The following RSF1 variants were observed in gnomAD, a reference collection of about 807,000 sequenced individuals.
RSF1 encodes the protein remodeling and spacing factor 1, also known as HBV pX-associated protein 8.
RSF1 carries 13 observed loss-of-function variants against 145.2 expected under a neutral mutation model. The ratio of observed to expected loss-of-function variants is 0.09; its 90% CI spans 0.06 to 0.14. The LOEUF is 0.14. Ranked by LOEUF, RSF1 falls within the 10% of genes least tolerant of loss-of-function variation. The probability of loss-of-function intolerance (pLI) is 1.00; values close to 1 mark genes in which losing one functional copy is unlikely to be tolerated. For synonymous variants in RSF1, 577 were observed against 592.6 expected, an observed-to-expected ratio of 0.97 and a Z score of 0.38; for missense variants, 1,517 against 1,718.2, an observed-to-expected ratio of 0.88 and a Z score of 2.07.
At chr11:77,780,824 C>A (rs369954343) in intron 1 of RSF1, among the ~76,000 whole-genome samples, 353 of 127,730 alleles carry the variant, frequency 2.8e-3, no homozygotes, top group Admixed American at 3.7e-3. Flanking sequence ...GACTCCGTCT[C>A]AAAAAAAAAA....
At chr11:77,711,152 A>G (rs1014622442) in intron 5 of RSF1, among the ~76,000 whole-genome samples, 8 of 151,828 alleles carry the variant, frequency 5.3e-5, no homozygotes, top group Non-Finnish European at 8.8e-5. Flanking sequence ...TTAAAAAAAA[A>G]AAAAAAAAGA....
At chr11:77,756,726 C>T (rs887168279) in intron 2 of RSF1, among the ~76,000 whole-genome samples, 6 of 152,094 alleles carry the variant, frequency 3.9e-5, no homozygotes, top group East Asian at 1.9e-4. Flanking sequence ...GAGGAAAGTA[C>T]GGCAAAGTGG....
At position 77,737,621 on chromosome 11, in the gene RSF1, GGT is replaced by G. The variant is rs1170824350; in HGVS notation, c.578+3108_578+3109del. On this transcript the variant is annotated intron_variant, in intron 4 of 15. Coordinates refer to ENST00000308488, the MANE Select transcript of RSF1 (RefSeq NM_016578.4). Reference sequence around the variant, plus strand: ...GAAAGAAGTTTTATGTGTTTTGGGGGGTGTGTGTGTGTGTGTGTGTGTGTGTG... The same window carrying G: ...GAAAGAAGTTTTATGTGTTTTGGGGGGTGTGTGTGTGTGTGTGTGTGTGTG... Among the ~76,000 whole-genome samples the G allele has an allele frequency of 4.6e-3, 429 of 93,516 alleles. 1 individual carries two copies. The highest frequency in any genetic ancestry group is 0.013 in the African/African-American group (343 of 26,070). 61.4% of individuals were successfully genotyped at this position (93,516 alleles called of 152,430 possible). A position where few individuals can be genotyped will look rare whatever the true frequency, so the allele number is the denominator to read the frequency against.
intron 2 of RSF1, among the ~76,000 whole-genome samples, chr11:77,760,577 TA>T (rs1948161083): frequency 1.3e-5 from 2 of 152,298 alleles, no homozygotes; most frequent in East Asian, 1.9e-4. Flanking sequence ...TATATCTCAA[TA>T]AAAAACACAA....
intron 1 of RSF1, among the ~76,000 whole-genome samples, chr11:77,803,811 G>A (rs1948650436): frequency 6.6e-6 from 1 of 152,016 alleles, no homozygotes; most frequent in African/African-American, 2.4e-5. Flanking sequence ...CAAGTGTGGT[G>A]GCTCACACCT....
In RSF1 at chr11:77,667,359, G is replaced by C. The variant is rs754582911; in HGVS notation, c.3884C>G (p.Pro1295Arg). 4.3e-6 allele frequency: 7 copies of C among 1,613,852 alleles called. No individual in the cohort carries two copies. The East Asian group carries it at 1.3e-4, about 31-fold the overall frequency. Residue 1295 changes from proline to arginine, a missense_variant, in exon 16 of 16, where the codon CCA becomes CGA. By Grantham distance (103) the Pro-to-Arg change is moderately radical. Around this residue, in one of 12 missense-constraint regions of RSF1, gnomAD observed 240 missense variants for 231.8 expected, o/e 1.04. Transcript: ENST00000308488. ...DEEEEEEEGK[P>R]SRKRLHRIET... ...AATCCGGTGTAGCCGTTTGCGGGATGGTTTGCCTTCCTCTTCCTCCTCCTC... is the reference window on the plus strand; with the variant it reads ...AATCCGGTGTAGCCGTTTGCGGGATCGTTTGCCTTCCTCTTCCTCCTCCTC...
chr11:77,683,085 G>A (rs1207281554), intron 11 of RSF1, among the ~76,000 whole-genome samples: 4 of 152,120 alleles, frequency 2.6e-5, no homozygotes, highest in Non-Finnish European at 4.4e-5. Context: ...CAGGTCAAGA[G>A]GTTGAGACTA....
chr11:77,848,448 C>T, the RSF1 span, among the ~76,000 whole-genome samples: 1 of 151,664 alleles, frequency 6.6e-6, no homozygotes, highest in African/African-American at 2.4e-5. Context: ...ACCTCTGCCT[C>T]CCAGGTTCAA....
intron 4 of RSF1, among the ~76,000 whole-genome samples, chr11:77,727,473 C>CTTTTTT (rs59747840): frequency 1.6e-4 from 18 of 112,264 alleles, no homozygotes; most frequent in South Asian, 2.9e-4. Context: ...ACTTCCACTA[C>CTTTTTT]TTTTTTTTTT....
intron 5 of RSF1, among the ~76,000 whole-genome samples, chr11:77,712,449 G>C (rs748959777): frequency 6.6e-6 from 1 of 152,146 alleles, no homozygotes; most frequent in Non-Finnish European, 1.5e-5. Context: ...CATGAGAACA[G>C]ACTAATACAA....
intron 2 of RSF1, among the ~76,000 whole-genome samples, chr11:77,755,602 T>TA (rs1948107803): frequency 6.6e-6 from 1 of 150,938 alleles, no homozygotes; most frequent in African/African-American, 2.4e-5. Flanking sequence ...TTTTTTGAGA[T>TA]AGAGTCTTGC....
chr11:77,849,053 T>A, the RSF1 span, among the ~76,000 whole-genome samples: 1 of 150,544 alleles, frequency 6.6e-6, no homozygotes, highest in Admixed American at 6.6e-5. Context: ...TTTTTTTTTT[T>A]AAAGATGGGG....
chr11:77,753,210 A>G (rs902105285), intron 2 of RSF1, among the ~76,000 whole-genome samples: 17 of 152,198 alleles, frequency 1.1e-4, no homozygotes, highest in Non-Finnish European at 4.4e-5. Context: ...TGCAAGCTCC[A>G]AGAACACTCT....
rs369482786 is a variant in RSF1 at position 77,666,086 on chromosome 11, C to T, written c.*831G>A. ...CAGTCCACCCAGGCCTTAAGAAAGA[C>T]CACATTCATTTCACTAATAACTCTC... On this transcript the variant is annotated 3_prime_UTR_variant, in exon 16 of 16. Transcript: ENST00000308488. 1 of 152,134 alleles carries T rather than the reference C, an allele frequency of 6.6e-6. No individual in the cohort carries two copies. The highest frequency in any genetic ancestry group is 1.9e-4 in the East Asian group (1 of 5,196). 9.4% of individuals were successfully genotyped at this position (152,134 alleles called of 1,614,324 possible). A position where few individuals can be genotyped will look rare whatever the true frequency, so the allele number is the denominator to read the frequency against.
At chr11:77,800,274 T>G (rs1590894631) in intron 1 of RSF1, among the ~76,000 whole-genome samples, 1 of 151,992 alleles carries the variant, frequency 6.6e-6, no homozygotes, top group Admixed American at 6.6e-5. Flanking sequence ...GGTGGATCAC[T>G]TGAGGTCAGG....
At position 77,667,159 on chromosome 11, in the gene RSF1, C is replaced by T; in HGVS notation, c.4084G>A (p.Asp1362Asn). The T allele has an allele frequency of 6.2e-7, 1 of 1,614,216 alleles. No individual in the cohort carries two copies. Among genetic ancestry groups the T allele is most frequent in the Non-Finnish European group, 8.5e-7 (1 of 1,180,036 alleles). ...ENVGKVGSPLDYSLVDLPSTN... is the reference protein window; with the variant it reads ...ENVGKVGSPLNYSLVDLPSTN... ...GAAGGTAAGTCCACTAAGCTATAGT[C>T]CAATGGGCTCCCCACTTTGCCTACA... Residue 1362 changes from aspartate to asparagine, a missense_variant, in exon 16 of 16, where the codon GAC becomes AAC. Physicochemically the swap from Asp to Asn is conservative, Grantham distance 23. This residue lies in a region of RSF1 where 240 missense variants were observed against 231.8 expected (regional missense o/e 1.04). Transcript: ENST00000308488.
chr11:77,836,179 C>A, the RSF1 span, among the ~76,000 whole-genome samples: 1 of 151,738 alleles, frequency 6.6e-6, no homozygotes, highest in African/African-American at 2.4e-5. Context: ...ATACTATTTC[C>A]TCAAACATAT....
intron 2 of RSF1, among the ~76,000 whole-genome samples, chr11:77,747,739 G>A (rs1442594717): frequency 6.6e-6 from 1 of 152,184 alleles, no homozygotes; most frequent in Non-Finnish European, 1.5e-5. Context: ...CAAAGCCAGT[G>A]CAAGAAACTT....
At chr11:77,721,227 AT>A (rs1960933419) in intron 5 of RSF1, among the ~76,000 whole-genome samples, 1 of 152,102 alleles carries the variant, frequency 6.6e-6, no homozygotes, top group African/African-American at 2.4e-5. Context: ...TCAACACTCT[AT>A]GTTAGACATT....
Sources: gnomAD v4.1 joint callset for allele counts (sites outside exome capture counted in the v4.1 genomes callset) on GRCh38, gnomAD v4.1.1 for gene constraint, gnomAD v4.1.1 regional missense constraint, MANE v1.5 for transcripts, NCBI Gene and HGNC (gene_info 2026-07-23, HGNC 2026-07-21) for gene names.